UTRN: variants seen among roughly 807,000 people sequenced by gnomAD.
UTRN encodes dystrophin-related protein 1.
A neutral mutation model predicts 463.9 loss-of-function variants in UTRN; 283 were observed. The observed-to-expected ratio is 0.61, with a 90% CI of 0.55 to 0.67. The LOEUF (loss-of-function observed/expected upper bound fraction) is 0.67, where lower values mean the gene tolerates loss of function less well. Among genes scored for constraint, UTRN ranks in the 30% least tolerant of loss-of-function variants. The pLI, the probability that UTRN is intolerant of heterozygous loss-of-function variation, is 0.00. For missense variants in UTRN, 3,922 were observed against 4,084.3 expected, an observed-to-expected ratio of 0.96 and a Z score of 1.08; for synonymous variants, 1,442 against 1,431.5, an observed-to-expected ratio of 1.01 and a Z score of -0.17.
In UTRN at chr6:144,436,043, C is replaced by T. The variant is rs4129965; in HGVS notation, c.964C>T (p.Leu322=). 3,950 of 1,614,202 alleles carry T rather than the reference C, an allele frequency of 2.4e-3. 82 individuals carry two copies. In the African/African-American group the frequency reaches 0.046, roughly 19 times the overall value. The part of the protein sequence containing the change: ...DSYQIALEEV[L]TWLLSAEDTF... ...CTATCAGATTGCGTTGGAGGAAGTG[C>T]TGACCTGGTTGCTTTCTGCTGAGGA... The change falls in exon 10 of 75, where the codon CTG becomes TTG. Residue 322 remains leucine, a synonymous_variant. Transcript: ENST00000367545.
In UTRN at chr6:144,627,567, A is replaced by T. The variant is rs571120060; in HGVS notation, c.7479+50279A>T. Among the ~76,000 whole-genome samples, 164 of 152,170 alleles carry T rather than the reference A, an allele frequency of 1.1e-3. 1 individual carries two copies. Among genetic ancestry groups the T allele is most frequent in the Non-Finnish European group, 1.9e-3 (128 of 67,982 alleles). On this transcript the variant is annotated intron_variant, in intron 51 of 74. Transcript: ENST00000367545. ...CATTAGCCATCTCTGGAATTTTTTTATTATCTCAAACGGAAACTCTGTTCC... is the reference window on the plus strand; with the variant it reads ...CATTAGCCATCTCTGGAATTTTTTTTTTATCTCAAACGGAAACTCTGTTCC...
chr6:144,354,080 T>A (rs1345251830), intron 2 of UTRN, among the ~76,000 whole-genome samples: 1 of 152,230 alleles, frequency 6.6e-6, no homozygotes, highest in Non-Finnish European at 1.5e-5. Context: ...TCCTCACCTG[T>A]GCAGTGCAGG....
At chr6:144,463,155 A>C (rs967812274) in intron 23 of UTRN, among the ~76,000 whole-genome samples, 7 of 152,224 alleles carry the variant, frequency 4.6e-5, no homozygotes, top group Admixed American at 4.6e-4. Context: ...GGCCTGTGTG[A>C]AATACAGACT....
chr6:144,384,889 G>C (rs1397659590), intron 2 of UTRN, among the ~76,000 whole-genome samples: 1 of 152,150 alleles, frequency 6.6e-6, no homozygotes, highest in Non-Finnish European at 1.5e-5. Flanking sequence ...ATATCTCTGA[G>C]ATTCTGCTTT....
intron 58 of UTRN, among the ~76,000 whole-genome samples, chr6:144,769,222 C>T (rs1793732980): frequency 6.6e-6 from 1 of 151,848 alleles, no homozygotes; most frequent in African/African-American, 2.4e-5. Flanking sequence ...CTATCTGCAG[C>T]TGTTCAAATA....
intron 74 of UTRN, among the ~76,000 whole-genome samples, chr6:144,849,642 C>T (rs142521086): frequency 2.7e-4 from 41 of 151,788 alleles, no homozygotes; most frequent in South Asian, 2.1e-3. Flanking sequence ...TGTCTTGGGT[C>T]GAATGGAAAT....
chr6:144,418,978 A>G (rs899304538), intron 3 of UTRN, among the ~76,000 whole-genome samples: 1 of 152,146 alleles, frequency 6.6e-6, no homozygotes, highest in Non-Finnish European at 1.5e-5. Flanking sequence ...TTCTATGCCT[A>G]TATAACCCCA....
chr6:144,836,467 A>G lies in UTRN; in HGVS notation c.9991A>G (p.Arg3331Gly). 6.2e-7 allele frequency: 1 copy of G among 1,613,924 alleles called. No individual in the cohort carries two copies. The highest frequency in any genetic ancestry group is 1.1e-5 in the South Asian group (1 of 91,072). ...LRQHKGRLEARMQILEDHNKQ... is the reference protein window; with the variant it reads ...LRQHKGRLEAGMQILEDHNKQ... The stretch of plus-strand genomic sequence containing the variant: ...GCAGCACAAAGGTCGGCTGGAGGCT[A>G]GGATGCAGATTTTAGAAGATCACAA... The change falls in exon 71 of 75, where the codon AGG becomes GGG. Residue 3331 changes from arginine (R) to glycine (G), a missense_variant. Physicochemically the swap from Arg to Gly is moderately radical, Grantham distance 125. This residue lies in a region of UTRN where 1,309 missense variants were observed against 1,452.6 expected (regional missense o/e 0.90). Coordinates refer to ENST00000367545, the MANE Select transcript of UTRN (RefSeq NM_007124.3).
chr6:144,534,034 A>C (rs964813210), intron 43 of UTRN, among the ~76,000 whole-genome samples: 2 of 152,104 alleles, frequency 1.3e-5, no homozygotes, highest in African/African-American at 4.8e-5. Context: ...CTGTTGATGA[A>C]GTATTATTTT....
At chr6:144,411,576 A>G (rs1419808094) in intron 3 of UTRN, among the ~76,000 whole-genome samples, 1 of 152,062 alleles carries the variant, frequency 6.6e-6, no homozygotes, top group Non-Finnish European at 1.5e-5. Context: ...CGAGGTAAAC[A>G]TTCTGTTACA....
At chr6:144,829,884 G>A (rs1780522776) in intron 69 of UTRN, among the ~76,000 whole-genome samples, 2 of 152,042 alleles carry the variant, frequency 1.3e-5, no homozygotes, top group Non-Finnish European at 2.9e-5. Context: ...ATACTTGACA[G>A]TAATGTAGTA....
chr6:144,738,483 C>T (rs1316634201), intron 54 of UTRN, among the ~76,000 whole-genome samples: 2 of 152,172 alleles, frequency 1.3e-5, no homozygotes, highest in East Asian at 1.9e-4. Context: ...AGCCTTCTGT[C>T]GGTCTTCCTC....
chr6:144,476,423 A>T (rs1461796734), intron 25 of UTRN, among the ~76,000 whole-genome samples: 1 of 152,088 alleles, frequency 6.6e-6, no homozygotes, highest in African/African-American at 2.4e-5. Context: ...GAAAATAAAG[A>T]AGAGACCTAA....
intron 65 of UTRN, among the ~76,000 whole-genome samples, chr6:144,814,698 CTA>C (rs1436727690): frequency 1.3e-5 from 2 of 152,064 alleles, no homozygotes; most frequent in South Asian, 2.1e-4. Context: ...AAAAGTAAAT[CTA>C]TATTTTAATG....
chr6:144,822,235 T>C (rs1451962718), intron 66 of UTRN, among the ~76,000 whole-genome samples: 1 of 152,084 alleles, frequency 6.6e-6, no homozygotes, highest in Admixed American at 6.5e-5. Context: ...ACCTCAAACT[T>C]TGCTAAATTT....
intron 3 of UTRN, among the ~76,000 whole-genome samples, chr6:144,403,656 T>C (rs1447286700): frequency 6.6e-6 from 1 of 152,240 alleles, no homozygotes; most frequent in Non-Finnish European, 1.5e-5. Flanking sequence ...TTTTTTCTTG[T>C]GTACTTCCTT....
At chr6:144,482,010 C>T (rs1365792835) in intron 26 of UTRN, among the ~76,000 whole-genome samples, 199 bp from the exon 27 acceptor site, 1 of 151,970 alleles carries the variant, frequency 6.6e-6, no homozygotes, top group African/African-American at 2.4e-5. Flanking sequence ...GTGAACAAGA[C>T]TCTATCTCAA....
At chr6:144,730,637 C>A in intron 54 of UTRN, 151 bp downstream of exon 54, 1 of 1,003,036 alleles carries the variant, frequency 1.0e-6, no homozygotes, top group Non-Finnish European at 1.3e-6. Context: ...GTCATTAATT[C>A]ACAGATATCT....
intron 73 of UTRN, 145 bp downstream of exon 73, chr6:144,840,977 T>C: frequency 2.3e-6 from 2 of 874,700 alleles, no homozygotes; most frequent in East Asian, 2.7e-5. Flanking sequence ...AAGGCAAACA[T>C]TATATAAGAA....
Sources: allele counts gnomAD v4.1 joint callset (sites outside exome capture counted in the v4.1 genomes callset), GRCh38; gene constraint gnomAD v4.1.1; regional missense constraint gnomAD v4.1.1; transcripts MANE v1.5; gene names NCBI Gene and HGNC (gene_info 2026-07-23, HGNC 2026-07-21).